Variants in USP13 observed in about 807,000 individuals in gnomAD.
USP13 encodes the protein ubiquitin carboxyl-terminal hydrolase 13.
Under a neutral mutation model 107.8 loss-of-function variants are expected in USP13, and 68 were observed. That is an observed-to-expected ratio of 0.63 (90% CI 0.52 to 0.77). USP13 has a LOEUF of 0.77. USP13 is among the 30% of genes least tolerant of loss of function. The pLI, the probability that USP13 is intolerant of heterozygous loss-of-function variation, is 0.00. For synonymous variants in USP13, 377 were observed against 389.5 expected, an observed-to-expected ratio of 0.97 and a Z score of 0.38; for missense variants, 945 against 1,093.3, an observed-to-expected ratio of 0.86 and a Z score of 1.91.
At chr3:179,750,326 G>GTGTGTGTA (rs1553797370) in intron 13 of USP13, among the ~76,000 whole-genome samples, 33 of 75,852 alleles carry the variant, frequency 4.4e-4, no homozygotes, top group African/African-American at 1.2e-3. Context: ...ATATATGTGT[G>GTGTGTGTA]TATATATATA....
intron 1 of USP13, among the ~76,000 whole-genome samples, chr3:179,669,973 G>T (rs778523526): frequency 7.2e-5 from 11 of 152,090 alleles, no homozygotes; most frequent in Admixed American, 7.2e-4. Context: ...GGCGTGCCAG[G>T]CTTCCTTGAG....
chr3:179,781,601 C>A, intron 19 of USP13, 138 bp from the exon 20 acceptor site: 1 of 654,752 alleles, frequency 1.5e-6, no homozygotes, highest in Non-Finnish European at 2.6e-6. Flanking sequence ...GTGTTGTCAA[C>A]ATAGCAAGGT....
At chr3:179,667,064 C>T (rs1428897708) in intron 1 of USP13, among the ~76,000 whole-genome samples, 1 of 152,236 alleles carries the variant, frequency 6.6e-6, no homozygotes, top group Non-Finnish European at 1.5e-5. Context: ...TGGAACTCTC[C>T]TCTCCCTAGC....
Position 179,721,662 on chromosome 3 carries a change from C to A in USP13, c.1088+73C>A. ...ATCTAGGTCCAGTCCACTCAGTGTGCGCTGCGAAGCCCATCTTTATTGCTT... is the reference window on the plus strand; with the variant it reads ...ATCTAGGTCCAGTCCACTCAGTGTGAGCTGCGAAGCCCATCTTTATTGCTT... On this transcript the variant is annotated intron_variant, in intron 8 of 20. Transcript: ENST00000263966. This position sits in a 1 kb window ranked among gnomAD's most constrained non-coding sequence, Gnocchi z 4.3. 1 of 1,491,886 alleles carries A rather than the reference C, an allele frequency of 6.7e-7. No individual in the cohort carries two copies. The highest frequency in any genetic ancestry group is 9.1e-7 in the Non-Finnish European group (1 of 1,104,154). 92.4% of individuals were successfully genotyped at this position (1,491,886 alleles called of 1,614,324 possible).
At position 179,763,866 on chromosome 3, in the gene USP13, A is replaced by G. The variant is rs1715084519; in HGVS notation, c.2093-136A>G. On this transcript the variant is annotated intron_variant, in intron 17 of 20. Coordinates refer to ENST00000263966, the MANE Select transcript of USP13 (RefSeq NM_003940.3). ...CTCCCAAAGTGCTGGGATTACAGGC[A>G]TGAGCCACTGCGCCTGGCCCAGACT... 5.8e-6 allele frequency: 7 copies of G among 1,196,740 alleles called. No homozygotes were observed. In the East Asian group the frequency reaches 1.8e-4, roughly 31 times the overall value. 74.1% of individuals were successfully genotyped at this position (1,196,740 alleles called of 1,614,324 possible).
chr3:179,740,021 G>A (rs1477455362), intron 10 of USP13, among the ~76,000 whole-genome samples: 1 of 152,114 alleles, frequency 6.6e-6, no homozygotes, highest in Admixed American at 6.5e-5. Flanking sequence ...CTAGTTTTAA[G>A]TAAACAGGAA....
Position 179,722,613 on chromosome 3 carries a change from A to G in USP13, c.1088+1024A>G, listed in dbSNP as rs187864299. Among the ~76,000 whole-genome samples, 451 of 152,294 alleles carry G rather than the reference A, an allele frequency of 3.0e-3. 5 individuals carry two copies. The highest frequency in any genetic ancestry group is 0.01 in the African/African-American group (416 of 41,556). ...GGGTAATTGGGGTATTCATCACCTC[A>G]AGCATTTGTCATTTCTTTGTATTAG... On this transcript the variant is annotated intron_variant, in intron 8 of 20. Coordinates refer to ENST00000263966, the MANE Select transcript of USP13 (RefSeq NM_003940.3).
At position 179,702,178 on chromosome 3, in the gene USP13, C is replaced by T. The variant is rs562613885; in HGVS notation, c.477+1049C>T. Among the ~76,000 whole-genome samples, 286 of 152,272 alleles carry T rather than the reference C, an allele frequency of 1.9e-3. 2 individuals carry two copies. Among genetic ancestry groups the T allele is most frequent in the African/African-American group, 6.6e-3 (274 of 41,558 alleles). ...GGGACTCCAGGCGCCCGCCATCACGCCTAGAGATTTTTTTGTATTTTTAGT... is the reference window on the plus strand; with the variant it reads ...GGGACTCCAGGCGCCCGCCATCACGTCTAGAGATTTTTTTGTATTTTTAGT... On this transcript the variant is annotated intron_variant, in intron 4 of 20. Transcript: ENST00000263966.
intron 3 of USP13, 66 bp downstream of exon 3, chr3:179,690,367 T>C: frequency 1.4e-6 from 2 of 1,382,202 alleles, no homozygotes; most frequent in South Asian, 2.5e-5. Context: ...CATACTCATG[T>C]GCATCTTTGA....
chr3:179,696,240 G>A (rs1712319590), intron 3 of USP13, among the ~76,000 whole-genome samples: 1 of 150,874 alleles, frequency 6.6e-6, no homozygotes, highest in South Asian at 2.1e-4. Flanking sequence ...CAACTTATAC[G>A]TATTTTTTGC....
chr3:179,710,034 T>C (rs1291581831), intron 6 of USP13, among the ~76,000 whole-genome samples: 1 of 152,312 alleles, frequency 6.6e-6, no homozygotes, highest in East Asian at 1.9e-4. Context: ...CGTGTCAGGA[T>C]TCTTTGGTTT....
intron 19 of USP13, among the ~76,000 whole-genome samples, chr3:179,777,825 T>A (rs1715601300): frequency 6.6e-6 from 1 of 152,122 alleles, no homozygotes; most frequent in Non-Finnish European, 1.5e-5. Flanking sequence ...GTCTCTTAAA[T>A]TTAAGATTAG....
In USP13 at chr3:179,666,756, A is replaced by G. The variant is rs565656802; in HGVS notation, c.168+13363A>G. Reference sequence around the variant, plus strand: ...GAATGAAAGTCTTGAAAAAAAGAGAAACTGCTCTTTTCCCCAAGCCCCCAC... The same window carrying G: ...GAATGAAAGTCTTGAAAAAAAGAGAGACTGCTCTTTTCCCCAAGCCCCCAC... On this transcript the variant is annotated intron_variant, in intron 1 of 20. Coordinates refer to ENST00000263966, the MANE Select transcript of USP13 (RefSeq NM_003940.3). Among the ~76,000 whole-genome samples, 5 of 152,098 alleles carry G rather than the reference A, an allele frequency of 3.3e-5. No individual in the cohort carries two copies. The East Asian group carries it at 9.7e-4, about 29-fold the overall frequency.
intron 19 of USP13, among the ~76,000 whole-genome samples, chr3:179,772,167 G>T (rs558566772): frequency 3.3e-5 from 5 of 152,262 alleles, no homozygotes; most frequent in Admixed American, 3.3e-4. Flanking sequence ...TTTCTACCAT[G>T]TTCTGCACAT....
At chr3:179,763,901 A>G in intron 17 of USP13, 101 bp from the exon 18 acceptor site, 1 of 1,407,374 alleles carries the variant, frequency 7.1e-7, no homozygotes, top group Non-Finnish European at 9.3e-7. Flanking sequence ...TGTCTTGATT[A>G]TTATAACTTT....
chr3:179,653,153 GCGC>G lies in USP13; in HGVS notation c.-61_-59del, dbSNP rs572746005. The stretch of plus-strand genomic sequence containing the variant: ...AGCCCGCCCGTCAGCCCGCTCGCTG[GCGC>G]CGCCGCCGCCGGCAGACCCCGCGCT... On this transcript the variant is annotated 5_prime_UTR_variant, in exon 1 of 21. Transcript: ENST00000263966. This position sits in a 1 kb window ranked among gnomAD's most constrained non-coding sequence, Gnocchi z 4.0. 1.4e-4 allele frequency: 147 copies of G among 1,058,846 alleles called. No individual in the cohort carries two copies. In the African/African-American group the frequency reaches 1.8e-3, roughly 13 times the overall value. 65.6% of individuals were successfully genotyped at this position (1,058,846 alleles called of 1,614,324 possible). A position where few individuals can be genotyped will look rare whatever the true frequency, so the allele number is the denominator to read the frequency against.
chr3:179,738,988 C>T (rs1714087433), intron 10 of USP13, among the ~76,000 whole-genome samples: 1 of 152,134 alleles, frequency 6.6e-6, no homozygotes, highest in South Asian at 2.1e-4. Context: ...TGGTGGGCTC[C>T]CTCTGGGCTG....
chr3:179,762,354 GA>G (rs1715039041), intron 17 of USP13, among the ~76,000 whole-genome samples: 1 of 152,228 alleles, frequency 6.6e-6, no homozygotes, highest in Non-Finnish European at 1.5e-5. Context: ...GCCAAGGCAG[GA>G]GGATCATTTG....
chr3:179,656,075 T>A (rs530794014), intron 1 of USP13, among the ~76,000 whole-genome samples: 1 of 152,302 alleles, frequency 6.6e-6, no homozygotes, highest in East Asian at 1.9e-4. Flanking sequence ...CTGCATTGGT[T>A]ACTGTTGAAA....
Sources: gnomAD v4.1 joint callset for allele counts (sites outside exome capture counted in the v4.1 genomes callset) on GRCh38, gnomAD v4.1.1 for gene constraint, Gnocchi (gnomAD v3.1) non-coding constraint, MANE v1.5 for transcripts, NCBI Gene and HGNC (gene_info 2026-07-23, HGNC 2026-07-21) for gene names.